Variants in ANKS1B observed in about 807,000 individuals in gnomAD.
ANKS1B encodes ankyrin repeat and sterile alpha motif domain containing 1B, also known as ankyrin repeat and sterile alpha motif domain-containing protein 1B.
Under a neutral mutation model 148.3 loss-of-function variants are expected in ANKS1B, and 36 were observed. That is an observed-to-expected ratio of 0.24 (90% CI 0.19 to 0.32). The LOEUF (loss-of-function observed/expected upper bound fraction) is 0.32. Ranked by LOEUF, ANKS1B falls within the 10% of genes least tolerant of loss-of-function variation. The pLI, the probability that ANKS1B is intolerant of heterozygous loss-of-function variation, is 1.00. For missense variants in ANKS1B, 1,157 were observed against 1,542.6 expected (o/e 0.75, Z 4.19); for synonymous variants, 542 against 560.8 (o/e 0.97, Z 0.47).
intron 24 of ANKS1B, among the ~76,000 whole-genome samples, chr12:98,775,721 G>C (rs2098666319): frequency 6.6e-6 from 1 of 151,962 alleles, no homozygotes; most frequent in South Asian, 2.1e-4. Flanking sequence ...CAGAGTGCTG[G>C]GATTACAGGT....
At chr12:98,768,884 G>GA (rs1566244055) in intron 25 of ANKS1B, among the ~76,000 whole-genome samples, 2 of 151,628 alleles carry the variant, frequency 1.3e-5, no homozygotes, top group South Asian at 2.1e-4. Context: ...GCTTCTGTAG[G>GA]GGGGGCTCCA....
At chr12:99,370,876 A>G in intron 12 of ANKS1B, among the ~76,000 whole-genome samples, 1 of 152,296 alleles carries the variant, frequency 6.6e-6, no homozygotes, top group Non-Finnish European at 1.5e-5. Context: ...GAAGAGACTT[A>G]CAAGTACTTC....
At chr12:99,622,693 T>A (rs1027935008) in intron 9 of ANKS1B, among the ~76,000 whole-genome samples, 2 of 151,580 alleles carry the variant, frequency 1.3e-5, no homozygotes, top group African/African-American at 4.8e-5. Context: ...CAAAATTGAA[T>A]CAGGAAGAAA....
At chr12:98,785,062 A>G (rs2098778025) in intron 22 of ANKS1B, among the ~76,000 whole-genome samples, 1 of 152,250 alleles carries the variant, frequency 6.6e-6, no homozygotes, top group African/African-American at 2.4e-5. Context: ...TACACCCTAC[A>G]AAAGATAAGG....
At chr12:99,936,835 T>A (rs2094787012) in intron 1 of ANKS1B, among the ~76,000 whole-genome samples, 1 of 152,212 alleles carries the variant, frequency 6.6e-6, no homozygotes, top group Non-Finnish European at 1.5e-5. Flanking sequence ...TTATATAGCT[T>A]CCAACTTTGT....
At chr12:99,159,673 T>C (rs1263546430) in intron 14 of ANKS1B, among the ~76,000 whole-genome samples, 2 of 152,238 alleles carry the variant, frequency 1.3e-5, no homozygotes, top group South Asian at 2.1e-4. Flanking sequence ...TTATTGTGAA[T>C]AGTGCTGCGA....
chr12:98,850,648 T>C (rs2099519101), intron 17 of ANKS1B, among the ~76,000 whole-genome samples: 1 of 151,940 alleles, frequency 6.6e-6, no homozygotes, highest in Non-Finnish European at 1.5e-5. Flanking sequence ...TTTGTATTTT[T>C]AGTAGAGGCA....
intron 15 of ANKS1B, among the ~76,000 whole-genome samples, chr12:99,113,271 G>T (rs761574787): frequency 6.6e-6 from 1 of 152,110 alleles, no homozygotes; most frequent in African/African-American, 2.4e-5. Flanking sequence ...TGACCTGAAC[G>T]AATGGGAAGT....
chr12:98,869,713 A>G (rs1352330261), intron 17 of ANKS1B, among the ~76,000 whole-genome samples: 1 of 103,808 alleles, frequency 9.6e-6, no homozygotes, highest in East Asian at 3.8e-4. Flanking sequence ...GTGTGTATAT[A>G]TATGTATATA....
At chr12:99,313,978 GTC>G (rs1268164762) in intron 12 of ANKS1B, among the ~76,000 whole-genome samples, 1 of 152,140 alleles carries the variant, frequency 6.6e-6, no homozygotes, top group East Asian at 1.9e-4. Flanking sequence ...AAGTCAAATT[GTC>G]TCTGTTTGCA....
At chr12:99,408,229 T>C (rs1353116966) in intron 11 of ANKS1B, among the ~76,000 whole-genome samples, 1 of 145,280 alleles carries the variant, frequency 6.9e-6, no homozygotes, top group Non-Finnish European at 1.5e-5. Flanking sequence ...GACAAAGGTG[T>C]CAAGAACATA....
At chr12:99,213,216 A>T (rs540078068) in intron 14 of ANKS1B, among the ~76,000 whole-genome samples, 2 of 152,300 alleles carry the variant, frequency 1.3e-5, no homozygotes, top group Admixed American at 1.3e-4. Flanking sequence ...TCATTTCAGC[A>T]TCCGCACGGC....
chr12:98,819,816 A>G (rs1474659892), intron 19 of ANKS1B, among the ~76,000 whole-genome samples: 1 of 152,204 alleles, frequency 6.6e-6, no homozygotes, highest in African/African-American at 2.4e-5. Flanking sequence ...TCTAGCTATT[A>G]ATGCATACAG....
chr12:99,800,322 G>T (rs912636510), intron 4 of ANKS1B, among the ~76,000 whole-genome samples: 3 of 151,880 alleles, frequency 2.0e-5, no homozygotes, highest in African/African-American at 7.3e-5. Context: ...AATGGAATTG[G>T]CCGGAACTTG....
At chr12:99,903,109 T>A (rs934159) in intron 1 of ANKS1B, among the ~76,000 whole-genome samples, 2 of 152,068 alleles carry the variant, frequency 1.3e-5, no homozygotes, top group Non-Finnish European at 2.9e-5. Flanking sequence ...CAATGCCTAA[T>A]GCAGAGTAAA....
chr12:99,924,694 C>T (rs1164126235), intron 1 of ANKS1B, among the ~76,000 whole-genome samples: 1 of 152,082 alleles, frequency 6.6e-6, no homozygotes, highest in South Asian at 2.1e-4. Flanking sequence ...GCATCTTCCA[C>T]TATTTGAGGA....
chr12:99,154,746 G>A (rs1365437737), intron 14 of ANKS1B: 1 of 1,440,708 alleles, frequency 6.9e-7, no homozygotes, highest in African/African-American at 1.4e-5. Context: ...GATTGTTGGA[G>A]TACTCCACAA....
At chr12:99,779,184 C>A (rs1430551537) in intron 6 of ANKS1B, among the ~76,000 whole-genome samples, 1 of 152,222 alleles carries the variant, frequency 6.6e-6, no homozygotes, top group African/African-American at 2.4e-5. Context: ...CGTACCTAGA[C>A]AGTTGTCAAA....
rs146281858 is a variant in ANKS1B, at chr12:98,939,125, C to G, written c.2779-106989G>C. Among the ~76,000 whole-genome samples the G allele has an allele frequency of 4.5e-3, 689 of 152,322 alleles. 8 individuals carry two copies. The highest frequency in any genetic ancestry group is 0.015 in the African/African-American group (603 of 41,578). The stretch of plus-strand genomic sequence containing the variant: ...CAGGGTGAAAACTGTGAGTGAGCAT[C>G]AGCTAATGTTATCCTAAAGTGTATG... On this transcript the variant is annotated intron_variant, in intron 17 of 26. Transcript: ENST00000683438.
Sources: allele counts gnomAD v4.1 joint callset (sites outside exome capture counted in the v4.1 genomes callset), GRCh38; gene constraint gnomAD v4.1.1; transcripts MANE v1.5; gene names NCBI Gene and HGNC (gene_info 2026-07-23, HGNC 2026-07-21).